Variants in ASXL2 observed in about 807,000 individuals in gnomAD.
The protein encoded by ASXL2 is ASXL transcriptional regulator 2, also known as putative Polycomb group protein ASXL2.
ASXL2 carries 23 observed loss-of-function variants against 122.0 expected under a neutral mutation model. The ratio of observed to expected loss-of-function variants is 0.19; its 90% confidence interval spans 0.14 to 0.27. ASXL2 has a LOEUF of 0.27. ASXL2 is among the 10% of genes least tolerant of loss of function. ASXL2 has a pLI of 1.00. For synonymous variants in ASXL2, 650 were observed against 637.0 expected (o/e 1.02, Z -0.31); for missense variants, 1,518 against 1,713.8 (o/e 0.89, Z 2.02).
intron 6 of ASXL2, 84 bp from the exon 7 acceptor site, chr2:25,768,952 G>GGCCTAAATGATTCTTAGAGTTTGGAT: frequency 2.1e-6 from 3 of 1,420,332 alleles, no homozygotes; most frequent in Non-Finnish European, 2.8e-6. Flanking sequence ...TAAATGGCAA[G>GGCCTAAATGATTCTTAGAGTTTGGAT]AAGCATGCTG....
chr2:25,749,605 A>C (rs1414571776), intron 12 of ASXL2, 91 bp downstream of exon 12: 2 of 1,014,816 alleles, frequency 2.0e-6, no homozygotes, highest in Non-Finnish European at 2.8e-6. Flanking sequence ...TGCATTAAGA[A>C]CTACCACAAT....
intron 3 of ASXL2, chr2:25,822,769 T>TGGAC (rs985430027): frequency 6.8e-6 from 4 of 591,020 alleles, no homozygotes; most frequent in African/African-American, 1.9e-5. Context: ...TGGCTTAGTG[T>TGGAC]GGACTTCAGT....
At chr2:25,817,610 T>A (rs927830436) in intron 3 of ASXL2, among the ~76,000 whole-genome samples, 1 of 152,182 alleles carries the variant, frequency 6.6e-6, no homozygotes, top group Admixed American at 6.5e-5. Flanking sequence ...TCCGGAAATA[T>A]ACAAATAAAC....
At chr2:25,768,616 G>T in intron 7 of ASXL2, 126 bp downstream of exon 7, 4 of 981,622 alleles carry the variant, frequency 4.1e-6, no homozygotes, top group Admixed American at 2.8e-5. Context: ...TGATGTTTTG[G>T]CAGTACAAGG....
rs539966735 is a variant in ASXL2 at position 25,776,356 on chromosome 2, G to A, written c.404-4816C>T. On this transcript the variant is annotated intron_variant, in intron 5 of 12. Coordinates refer to ENST00000435504, the MANE Select transcript of ASXL2 (RefSeq NM_018263.6). ...ATGTATAAATACTTTATTCTTTATCGTAAAATAATATTCCATTGCATGCTT... is the reference window on the plus strand; with the variant it reads ...ATGTATAAATACTTTATTCTTTATCATAAAATAATATTCCATTGCATGCTT... Among the ~76,000 whole-genome samples the A allele has an allele frequency of 1.3e-4, 20 of 152,152 alleles. No individual in the cohort carries two copies. The East Asian group carries it at 2.3e-3, about 18-fold the overall frequency.
At chr2:25,876,515 TTTTA>T (rs1452452530) in intron 1 of ASXL2, among the ~76,000 whole-genome samples, 11 of 152,120 alleles carry the variant, frequency 7.2e-5, no homozygotes, top group Non-Finnish European at 1.5e-4. Flanking sequence ...TACAAAATAT[TTTTA>T]ATTAAAAAAA....
intron 5 of ASXL2, among the ~76,000 whole-genome samples, chr2:25,793,491 A>C (rs1180310376): frequency 6.6e-6 from 1 of 152,196 alleles, no homozygotes; most frequent in Non-Finnish European, 1.5e-5. Context: ...TTAAGTAAAT[A>C]ATCTCTGACT....
intron 1 of ASXL2, among the ~76,000 whole-genome samples, chr2:25,873,032 C>A (rs913523231): frequency 6.6e-6 from 1 of 151,812 alleles, no homozygotes; most frequent in Non-Finnish European, 1.5e-5. Flanking sequence ...TTTGGTGCAC[C>A]CATCACCCGA....
At chr2:25,821,594 T>C (rs760490271) in intron 3 of ASXL2, among the ~76,000 whole-genome samples, 2 of 152,232 alleles carry the variant, frequency 1.3e-5, no homozygotes, top group Non-Finnish European at 2.9e-5. Context: ...TGAACCACCG[T>C]TGAAACATGA....
chr2:25,755,918 C>A (rs2088122251), intron 10 of ASXL2, 100 bp downstream of exon 10: 2 of 981,808 alleles, frequency 2.0e-6, no homozygotes, highest in South Asian at 2.6e-5. Context: ...ATGGAAACAT[C>A]CTGTCCTTTA....
chr2:25,856,578 G>A (rs558413425), intron 1 of ASXL2: 78 of 1,172,360 alleles, frequency 6.7e-5, no homozygotes, highest in South Asian at 3.4e-4. Context: ...GGGGTAGGGG[G>A]CGCCAGTCTT....
chr2:25,788,307 CCTCT>C (rs2088779623), intron 5 of ASXL2, among the ~76,000 whole-genome samples: 1 of 152,206 alleles, frequency 6.6e-6, no homozygotes, highest in South Asian at 2.1e-4. Flanking sequence ...AAGACAGTTT[CCTCT>C]CTGTGTGTAT....
intron 3 of ASXL2, among the ~76,000 whole-genome samples, chr2:25,809,328 A>G (rs1183404263): frequency 6.6e-6 from 1 of 151,848 alleles, no homozygotes; most frequent in Non-Finnish European, 1.5e-5. Context: ...TTGTCCAAAG[A>G]TATCTTAAAG....
rs560494176 is a variant in ASXL2 at position 25,843,827 on chromosome 2, A to G, written c.140+1654T>C. ...GACTCCATCTCTTAAAAAAAAAAAA[A>G]AAAAAGAAAGAAAGAAAGAAAGAAA... On this transcript the variant is annotated intron_variant, in intron 2 of 12. Coordinates refer to ENST00000435504, the MANE Select transcript of ASXL2 (RefSeq NM_018263.6). 2.9e-4 allele frequency among the ~76,000 whole-genome samples: 44 copies of G among 151,640 alleles called. 1 individual carries two copies. Among genetic ancestry groups the G allele is most frequent in the Admixed American group, 2.8e-3 (42 of 15,234 alleles).
At chr2:25,821,918 T>C (rs936332526) in intron 3 of ASXL2, among the ~76,000 whole-genome samples, 1 of 152,192 alleles carries the variant, frequency 6.6e-6, no homozygotes, top group Non-Finnish European at 1.5e-5. Flanking sequence ...CAAACTGATC[T>C]ACCATGTAAA....
intron 8 of ASXL2, among the ~76,000 whole-genome samples, chr2:25,761,577 G>A (rs1208285312): frequency 2.6e-5 from 4 of 151,390 alleles, no homozygotes; most frequent in Admixed American, 6.6e-5. Flanking sequence ...GGAGGCTGAG[G>A]CAGGAGAATG....
Position 25,831,439 on chromosome 2 carries a change from CTGTT to C in ASXL2, c.143+4095_143+4098del, listed in dbSNP as rs1377192418. ...ACTTTGGGAGGGCAAGGCAGGCAAACTGTTTGAGCTCAGGTATTGCGCTGGGCAA... is the reference window on the plus strand; with the variant it reads ...ACTTTGGGAGGGCAAGGCAGGCAAACTGAGCTCAGGTATTGCGCTGGGCAA... On this transcript the variant is annotated intron_variant, in intron 3 of 12. Transcript: ENST00000435504. Among the ~76,000 whole-genome samples, 4 of 152,104 alleles carry C rather than the reference CTGTT, an allele frequency of 2.6e-5. No homozygotes were observed. In the East Asian group the frequency reaches 7.7e-4, roughly 29 times the overall value.
chr2:25,875,852 A>C (rs1278782071), intron 1 of ASXL2, among the ~76,000 whole-genome samples: 2 of 152,234 alleles, frequency 1.3e-5, no homozygotes, highest in East Asian at 3.9e-4. Flanking sequence ...AAATACTAAC[A>C]TTCTTATTTA....
chr2:25,871,735 G>A (rs1181149900), intron 1 of ASXL2, among the ~76,000 whole-genome samples: 1 of 152,148 alleles, frequency 6.6e-6, no homozygotes, highest in East Asian at 1.9e-4. Context: ...GAGATTACAG[G>A]CATGCGCCAC....
Sources: allele counts gnomAD v4.1 joint callset (sites outside exome capture counted in the v4.1 genomes callset), GRCh38; gene constraint gnomAD v4.1.1; transcripts MANE v1.5; gene names NCBI Gene and HGNC (gene_info 2026-07-23, HGNC 2026-07-21).